NBAS: variants seen among roughly 807,000 people sequenced by gnomAD.
NBAS encodes NBAS subunit of NRZ tethering complex.
A neutral mutation model predicts 302.5 loss-of-function variants in NBAS; 219 were observed. The observed-to-expected ratio is 0.72, with a 90% confidence interval of 0.65 to 0.81. The LOEUF is 0.81. Among genes scored for constraint, NBAS ranks in the 30% least tolerant of loss-of-function variants. NBAS has a pLI of 0.00. For missense variants in NBAS, 2,932 were observed against 2,841.6 expected, an observed-to-expected ratio of 1.03 and a Z score of -0.72; for synonymous variants, 1,118 against 1,021.6, an observed-to-expected ratio of 1.09 and a Z score of -1.80.
intron 32 of NBAS, among the ~76,000 whole-genome samples, chr2:15,359,588 T>C (rs1673793838): frequency 6.6e-6 from 1 of 152,130 alleles, no homozygotes; most frequent in South Asian, 2.1e-4. Context: ...TTACATAAAA[T>C]ATTTTATTTC....
chr2:15,207,148 G>A (rs929970681), intron 48 of NBAS, among the ~76,000 whole-genome samples: 1 of 152,200 alleles, frequency 6.6e-6, no homozygotes. Context: ...CCATGGCTTG[G>A]GAGCCTACAT....
At chr2:15,131,436 T>A in the NBAS span, among the ~76,000 whole-genome samples, 1 of 152,232 alleles carries the variant, frequency 6.6e-6, no homozygotes, top group Non-Finnish European at 1.5e-5. Context: ...TCTGTGACTC[T>A]GAGTTCATTA....
At chr2:15,491,003 A>G (rs1680832716) in intron 11 of NBAS, among the ~76,000 whole-genome samples, 1 of 152,234 alleles carries the variant, frequency 6.6e-6, no homozygotes, top group Non-Finnish European at 1.5e-5. Context: ...AGTATACTGA[A>G]TAACTTCACA....
intron 44 of NBAS, among the ~76,000 whole-genome samples, chr2:15,257,646 G>A (rs367895187): frequency 4.6e-5 from 7 of 152,100 alleles, no homozygotes; most frequent in African/African-American, 1.7e-4. Flanking sequence ...GCCCACCTCA[G>A]CCTGCCAAAG....
At chr2:15,072,660 G>C in the NBAS span, among the ~76,000 whole-genome samples, 1 of 152,076 alleles carries the variant, frequency 6.6e-6, no homozygotes, top group African/African-American at 2.4e-5. Context: ...TCAATACAAC[G>C]TGTTAAGGGA....
chr2:14,917,007 C>T, the NBAS span, among the ~76,000 whole-genome samples: 1 of 152,214 alleles, frequency 6.6e-6, no homozygotes, highest in African/African-American at 2.4e-5. Context: ...CATGTGCTGA[C>T]TGGACCAAGG....
chr2:15,513,093 A>ACATTC (rs1306732109), intron 9 of NBAS, among the ~76,000 whole-genome samples: 1 of 152,220 alleles, frequency 6.6e-6, no homozygotes, highest in East Asian at 1.9e-4. Context: ...TTAATTATGG[A>ACATTC]ATGTAGCCCA....
the NBAS span, among the ~76,000 whole-genome samples, chr2:14,807,620 GA>G: frequency 6.6e-6 from 1 of 152,010 alleles, no homozygotes; most frequent in Non-Finnish European, 1.5e-5. Flanking sequence ...ACATGATCAG[GA>G]TTTGACACAC....
At position 15,390,129 on chromosome 2, in the gene NBAS, G is replaced by C. The variant is rs913779248; in HGVS notation, c.3257+4098C>G. ...CTGCCTGAGGCTAGGAAAAGAAAAG[G>C]GGAAAAAGAAAACATGTCAAGCTCA... is the stretch of plus-strand genomic sequence containing the variant. On this transcript the variant is annotated intron_variant, in intron 28 of 51. Coordinates refer to ENST00000281513, the MANE Select transcript of NBAS (RefSeq NM_015909.4). Among the ~76,000 whole-genome samples the C allele has an allele frequency of 8.5e-5, 13 of 152,092 alleles. No homozygotes were observed. In the South Asian group the frequency reaches 2.3e-3, roughly 27 times the overall value.
At chr2:14,908,793 G>C in the NBAS span, among the ~76,000 whole-genome samples, 1 of 152,046 alleles carries the variant, frequency 6.6e-6, no homozygotes, top group African/African-American at 2.4e-5. Context: ...ATCACCCCCA[G>C]ACCACTGTCC....
intron 47 of NBAS, 21 bp from the exon 48 acceptor site, chr2:15,218,989 G>A: frequency 6.2e-7 from 1 of 1,613,876 alleles, no homozygotes; most frequent in Non-Finnish European, 8.5e-7. Flanking sequence ...AAATCCAGAG[G>A]TATCTGTAAA....
At chr2:15,518,676 T>C (rs756281629) in intron 9 of NBAS, among the ~76,000 whole-genome samples, 15 of 152,274 alleles carry the variant, frequency 9.9e-5, no homozygotes, top group Non-Finnish European at 1.9e-4. Context: ...ATCTTTGTAT[T>C]AGTCCATTTT....
At chr2:15,078,939 C>T in the NBAS span, among the ~76,000 whole-genome samples, 1 of 152,052 alleles carries the variant, frequency 6.6e-6, no homozygotes, top group Non-Finnish European at 1.5e-5. Context: ...ATGTGCATCA[C>T]GTAAGGGGTA....
the NBAS span, among the ~76,000 whole-genome samples, chr2:15,147,202 G>A: frequency 2.0e-5 from 3 of 152,274 alleles, no homozygotes; most frequent in South Asian, 2.1e-4. Flanking sequence ...AACATTTCTA[G>A]GAATGGAGGC....
intron 35 of NBAS, among the ~76,000 whole-genome samples, chr2:15,338,674 TACAC>T (rs70961409): frequency 0.072 from 9,733 of 134,768 alleles, 404 homozygotes; most frequent in African/African-American, 0.12. Context: ...AACACACACA[TACAC>T]ACACACACAC....
At position 15,218,863 on chromosome 2, in the gene NBAS, C is replaced by T; in HGVS notation, c.6342G>A (p.Gly2114=). ...CCTCCTCAGTCAGGTGAAATGATTGCCCCAAAATCTGCAGCACGTGAATGC... is the reference window on the plus strand; with the variant it reads ...CCTCCTCAGTCAGGTGAAATGATTGTCCCAAAATCTGCAGCACGTGAATGC... ...RPRIHVLQIL[G]QSFHLTEEDS... is the part of the protein sequence containing the mutation. Residue 2114 remains glycine, a synonymous_variant, in exon 48 of 52, where the codon GGG becomes GGA. Coordinates refer to ENST00000281513, the MANE Select transcript of NBAS (RefSeq NM_015909.4). 1 of 1,614,272 alleles carries T rather than the reference C, an allele frequency of 6.2e-7. No homozygotes were observed. Among genetic ancestry groups the T allele is most frequent in the South Asian group, 1.1e-5 (1 of 91,090 alleles).
At chr2:15,529,015 A>C (rs1663089135) in intron 9 of NBAS, among the ~76,000 whole-genome samples, 2 of 151,774 alleles carry the variant, frequency 1.3e-5, no homozygotes, top group African/African-American at 4.8e-5. Flanking sequence ...GGTGCATTCC[A>C]CAAAGCTAGC....
chr2:15,394,472 C>A, intron 27 of NBAS, 123 bp from the exon 28 acceptor site: 1 of 945,898 alleles, frequency 1.1e-6, no homozygotes, highest in Non-Finnish European at 1.6e-6. Flanking sequence ...TAGTGTAATC[C>A]AATTTTACAT....
the NBAS span, among the ~76,000 whole-genome samples, chr2:15,012,601 TG>T: frequency 6.6e-6 from 1 of 152,080 alleles, no homozygotes; most frequent in African/African-American, 2.4e-5. Flanking sequence ...CCAAGGCACA[TG>T]ATAGTCAAAT....
Sources: gnomAD v4.1 joint callset for allele counts (sites outside exome capture counted in the v4.1 genomes callset) on GRCh38, gnomAD v4.1.1 for gene constraint, MANE v1.5 for transcripts, NCBI Gene and HGNC (gene_info 2026-07-23, HGNC 2026-07-21) for gene names.